The following LARGE1 variants were observed in gnomAD, a reference collection of about 807,000 sequenced individuals.
The protein encoded by LARGE1 is LARGE xylosyl- and glucuronyltransferase 1.
A neutral mutation model predicts 87.6 loss-of-function variants in LARGE1; 43 were observed. That is an observed-to-expected ratio of 0.49 (90% CI 0.38 to 0.63). LARGE1 has a LOEUF of 0.63. Ranked by LOEUF, LARGE1 falls within the 30% of genes least tolerant of loss-of-function variation. The pLI, the probability that LARGE1 is intolerant of heterozygous loss-of-function variation, is 0.00. For synonymous variants in LARGE1, 434 were observed against 394.6 expected, an observed-to-expected ratio of 1.10 and a Z score of -1.18; for missense variants, 802 against 1,000.2, an observed-to-expected ratio of 0.80 and a Z score of 2.67.
At chr22:33,328,580 AAATAATAAT>A (rs143321654) in intron 10 of LARGE1, among the ~76,000 whole-genome samples, 34 of 146,448 alleles carry the variant, frequency 2.3e-4, no homozygotes, top group African/African-American at 4.5e-4. Flanking sequence ...CTCTCTCTCA[AAATAATAAT>A]AATAATAATA....
chr22:33,721,472 CT>C (rs1256824864), intron 2 of LARGE1, among the ~76,000 whole-genome samples: 7 of 152,218 alleles, frequency 4.6e-5, no homozygotes, highest in African/African-American at 1.7e-4. Flanking sequence ...AATTCACCCA[CT>C]TACCTTAAAT....
intron 2 of LARGE1, among the ~76,000 whole-genome samples, chr22:33,734,447 C>T (rs2083582683): frequency 6.6e-6 from 1 of 152,142 alleles, no homozygotes; most frequent in South Asian, 2.1e-4. Flanking sequence ...TGAGGGATGA[C>T]ACTGGTGATG....
chr22:33,738,831 C>G (rs757190498), intron 2 of LARGE1, among the ~76,000 whole-genome samples: 1 of 142,420 alleles, frequency 7.0e-6, no homozygotes, highest in Non-Finnish European at 1.5e-5. Flanking sequence ...GGTGACAGAG[C>G]GAGACTCCGT....
At chr22:33,620,794 A>G (rs1602754060) in intron 4 of LARGE1, among the ~76,000 whole-genome samples, 1 of 152,048 alleles carries the variant, frequency 6.6e-6, no homozygotes. Context: ...GTGCATGCCT[A>G]TAGTCCCAGC....
intron 2 of LARGE1, among the ~76,000 whole-genome samples, chr22:33,668,200 A>C (rs928930954): frequency 6.6e-5 from 10 of 152,234 alleles, no homozygotes; most frequent in Admixed American, 2.6e-4. Flanking sequence ...AATAAGCTTG[A>C]TGAAACTGAG....
At chr22:33,812,700 A>C (rs1450734090) in intron 1 of LARGE1, among the ~76,000 whole-genome samples, 1 of 152,200 alleles carries the variant, frequency 6.6e-6, no homozygotes, top group Non-Finnish European at 1.5e-5. Context: ...CTTTGTGTGG[A>C]TATTTCATTC....
At chr22:33,790,243 T>C (rs1449346141) in intron 1 of LARGE1, among the ~76,000 whole-genome samples, 1 of 152,234 alleles carries the variant, frequency 6.6e-6, no homozygotes, top group African/African-American at 2.4e-5. Flanking sequence ...TTGCTGTTCA[T>C]TCACCTTCTG....
At position 33,346,492 on chromosome 22, in the gene LARGE1, G is replaced by A. The variant is rs188617206; in HGVS notation, c.1132-8691C>T. On this transcript the variant is annotated intron_variant, in intron 9 of 14. Coordinates refer to ENST00000397394, the MANE Select transcript of LARGE1 (RefSeq NM_133642.5). ...TATGTTTTGTATTTTTAGTAGAGAC[G>A]AGGTTTCGCCATGTTGTCCAGTCTG... Among the ~76,000 whole-genome samples the A allele has an allele frequency of 1.9e-4, 29 of 152,144 alleles. No homozygotes were observed. The East Asian group carries it at 5.2e-3, about 27-fold the overall frequency.
In LARGE1 at chr22:33,503,335, C is replaced by T. The variant is rs769131353; in HGVS notation, c.787+61513G>A. Among the ~76,000 whole-genome samples the T allele has an allele frequency of 7.4e-5, 11 of 149,436 alleles. No individual in the cohort carries two copies. The Middle Eastern group carries it at 0.017, about 234-fold the overall frequency. ...GCAGTGGTGCGATCTCGGCTCACTG[C>T]AACCTCCGCCTTCCGGGTTCAAGCA... On this transcript the variant is annotated intron_variant, in intron 6 of 14. Transcript: ENST00000397394.
chr22:33,909,854 T>C (rs1174476070), intron 1 of LARGE1, among the ~76,000 whole-genome samples: 1 of 152,170 alleles, frequency 6.6e-6, no homozygotes, highest in Non-Finnish European at 1.5e-5. Context: ...ACCAACTTCA[T>C]CTGCAACTCC....
intron 11 of LARGE1, among the ~76,000 whole-genome samples, chr22:33,189,594 C>G (rs1923670536): frequency 6.6e-6 from 1 of 152,146 alleles, no homozygotes; most frequent in Non-Finnish European, 1.5e-5. Flanking sequence ...CCAAGATTAA[C>G]AGATCTTTGT....
At chr22:33,582,112 T>C (rs1385940964) in intron 5 of LARGE1, among the ~76,000 whole-genome samples, 5 of 152,144 alleles carry the variant, frequency 3.3e-5, no homozygotes, top group Admixed American at 2.6e-4. Flanking sequence ...GGAGACACTT[T>C]TGGTTGTCAT....
intron 11 of LARGE1, among the ~76,000 whole-genome samples, chr22:33,186,909 T>C (rs1416951869): frequency 6.6e-6 from 1 of 152,130 alleles, no homozygotes; most frequent in African/African-American, 2.4e-5. Context: ...AATTTATGTA[T>C]CTATATATTT....
At chr22:33,340,345 G>A (rs1452803616) in intron 9 of LARGE1, among the ~76,000 whole-genome samples, 2 of 151,776 alleles carry the variant, frequency 1.3e-5, no homozygotes, top group African/African-American at 4.9e-5. Flanking sequence ...CAATCAGATG[G>A]CCTCTCACAG....
At chr22:33,857,965 C>T (rs930325691) in intron 1 of LARGE1, among the ~76,000 whole-genome samples, 1 of 152,152 alleles carries the variant, frequency 6.6e-6, no homozygotes, top group Non-Finnish European at 1.5e-5. Flanking sequence ...TCCAAAATGG[C>T]GGCCGGTCGC....
At chr22:33,558,667 C>T (rs950702799) in intron 6 of LARGE1, among the ~76,000 whole-genome samples, 4 of 152,086 alleles carry the variant, frequency 2.6e-5, no homozygotes, top group African/African-American at 4.8e-5. Context: ...ACAGGCAGGG[C>T]GGCAAGGTAA....
intron 10 of LARGE1, among the ~76,000 whole-genome samples, chr22:33,337,023 T>G (rs1569069860): frequency 6.8e-6 from 1 of 147,514 alleles, no homozygotes; most frequent in Non-Finnish European, 1.5e-5. Flanking sequence ...ATCACGCCAC[T>G]GCACTCCAGC....
At chr22:33,366,923 T>G (rs900477862) in intron 9 of LARGE1, among the ~76,000 whole-genome samples, 3 of 152,240 alleles carry the variant, frequency 2.0e-5, no homozygotes, top group African/African-American at 7.2e-5. Context: ...GGAAATGTCC[T>G]TGGATTAAAA....
At chr22:33,472,197 T>C (rs1347381131) in intron 6 of LARGE1, among the ~76,000 whole-genome samples, 1 of 152,200 alleles carries the variant, frequency 6.6e-6, no homozygotes, top group Non-Finnish European at 1.5e-5. Context: ...TGGTTTCATA[T>C]TTTCAAGCAT....
Sources: gnomAD v4.1 joint callset for allele counts (sites outside exome capture counted in the v4.1 genomes callset) on GRCh38, gnomAD v4.1.1 for gene constraint, MANE v1.5 for transcripts, NCBI Gene and HGNC (gene_info 2026-07-23, HGNC 2026-07-21) for gene names.